PPP2R5C: variants seen among roughly 807,000 people sequenced by gnomAD.
PPP2R5C encodes the protein protein phosphatase 2 regulatory subunit B'gamma.
In PPP2R5C, 7 loss-of-function variants were observed where a neutral mutation model predicts 68.9. The observed-to-expected ratio is 0.10, with a 90% confidence interval of 0.06 to 0.19. PPP2R5C has a LOEUF of 0.19. PPP2R5C is among the 10% of genes least tolerant of loss of function. The pLI is 1.00. For synonymous variants in PPP2R5C, 210 were observed against 222.2 expected (o/e 0.95, Z 0.49); for missense variants, 348 against 641.3 (o/e 0.54, Z 4.94).
intron 2 of PPP2R5C, among the ~76,000 whole-genome samples, chr14:101,768,123 C>T (rs1043125209): frequency 2.0e-5 from 3 of 152,196 alleles, no homozygotes; most frequent in South Asian, 4.1e-4. Context: ...TGGCCCACTG[C>T]CCCCACCAAC....
chr14:101,812,297 G>A (rs1279134454), intron 1 of PPP2R5C, among the ~76,000 whole-genome samples: 1 of 152,198 alleles, frequency 6.6e-6, no homozygotes, highest in African/African-American at 2.4e-5. Context: ...CCACGAGAGG[G>A]CTAAAGCAAG....
chr14:101,916,819 T>C lies in PPP2R5C; in HGVS notation c.1327-1012T>C, dbSNP rs985293062. On this transcript the variant is annotated intron_variant, in intron 12 of 13. Transcript: ENST00000334743. The surrounding 1 kb of genome is among the most constrained non-coding windows in gnomAD (Gnocchi z 5.5). ...GCTGTGGGACTCACTGGGCAGAGAA[T>C]GGAGGGGTGTGGATGAGAGCAGCCT... Among the ~76,000 whole-genome samples the C allele has an allele frequency of 6.6e-6, 1 of 151,964 alleles. No homozygotes were observed. Among genetic ancestry groups the C allele is most frequent in the African/African-American group, 2.4e-5 (1 of 41,368 alleles).
intron 1 of PPP2R5C, among the ~76,000 whole-genome samples, chr14:101,847,312 T>C (rs2041888405): frequency 6.6e-6 from 1 of 152,216 alleles, no homozygotes; most frequent in Non-Finnish European, 1.5e-5. Context: ...TTGAGGAAAA[T>C]TGATTTTCCA....
chr14:101,813,118 C>T (rs562186966), intron 1 of PPP2R5C, among the ~76,000 whole-genome samples: 6 of 152,340 alleles, frequency 3.9e-5, no homozygotes, highest in Admixed American at 1.3e-4. Flanking sequence ...TCCTCTGCAG[C>T]AGCCCCTGGT....
At chr14:101,761,483 G>C (rs1222501182), upstream of PPP2R5C, among the ~76,000 whole-genome samples, 3 of 146,402 alleles carry the variant, frequency 2.0e-5, no homozygotes, top group Non-Finnish European at 4.6e-5. Flanking sequence ...GCGTGAACGG[G>C]TCGCGCGGAG....
At chr14:101,905,708 C>G (rs575641840) in intron 9 of PPP2R5C, among the ~76,000 whole-genome samples, 1 of 152,000 alleles carries the variant, frequency 6.6e-6, no homozygotes, top group Non-Finnish European at 1.5e-5. Flanking sequence ...AGTGGCTTCC[C>G]GTGAGTAAGC....
chr14:101,820,465 C>T (rs1302620980), intron 1 of PPP2R5C: 1 of 152,226 alleles, frequency 6.6e-6, no homozygotes, highest in Admixed American at 6.5e-5. Flanking sequence ...AAGTGTAAGA[C>T]ACACTGCCGG....
At chr14:101,816,789 C>G (rs1173160326) in intron 1 of PPP2R5C, among the ~76,000 whole-genome samples, 1 of 149,366 alleles carries the variant, frequency 6.7e-6, no homozygotes, top group African/African-American at 2.5e-5. Flanking sequence ...AGGGGATATA[C>G]AATATACAAT....
chr14:101,769,684 GT>G (rs1190537539), intron 2 of PPP2R5C, among the ~76,000 whole-genome samples: 1 of 151,882 alleles, frequency 6.6e-6, no homozygotes, highest in Non-Finnish European at 1.5e-5. Context: ...GAGTATTTTG[GT>G]TTTTTTCTTA....
chr14:101,816,363 C>G (rs551475239), intron 1 of PPP2R5C, among the ~76,000 whole-genome samples: 1 of 152,300 alleles, frequency 6.6e-6, no homozygotes, highest in Admixed American at 6.5e-5. Context: ...ATGGGGGAAA[C>G]CAGTACTCCC....
chr14:101,927,089 A>G (rs1393451951), exon 14 of PPP2R5C: 2 of 152,164 alleles, frequency 1.3e-5, no homozygotes. Context: ...GTATTTTGAT[A>G]TACCATTGTT....
chr14:101,878,130 G>A (rs746253136), intron 2 of PPP2R5C, among the ~76,000 whole-genome samples: 2 of 152,242 alleles, frequency 1.3e-5, no homozygotes, highest in Non-Finnish European at 2.9e-5. Context: ...GAAGGCGAGT[G>A]TGAGCCTTCT....
At chr14:101,907,958 G>T (rs1271385593) in intron 10 of PPP2R5C, among the ~76,000 whole-genome samples, 1 of 152,176 alleles carries the variant, frequency 6.6e-6, no homozygotes, top group East Asian at 1.9e-4. Flanking sequence ...GTCTTCTGAG[G>T]GTTGCCGCCC....
chr14:101,866,955 A>T (rs995802431), intron 2 of PPP2R5C, among the ~76,000 whole-genome samples: 4 of 152,008 alleles, frequency 2.6e-5, no homozygotes, highest in African/African-American at 9.7e-5. Flanking sequence ...GGTGGCTCAC[A>T]CCTGTAATCC....
In PPP2R5C at chr14:101,916,757, G is replaced by A. The variant is rs544154572; in HGVS notation, c.1327-1074G>A. On this transcript the variant is annotated intron_variant, in intron 12 of 13. Transcript: ENST00000334743. The surrounding 1 kb of genome is among the most constrained non-coding windows in gnomAD (Gnocchi z 5.5). ...GGGTGAAGCAGGTCAGCAGGAGGGC[G>A]CTGCTGTGACAGGAGCTCAGCCTGA... Among the ~76,000 whole-genome samples the A allele has an allele frequency of 1.3e-5, 2 of 152,190 alleles. No homozygotes were observed. The highest frequency in any genetic ancestry group is 2.4e-5 in the African/African-American group (1 of 41,522).
chr14:101,828,043 GA>G (rs2040504132), intron 1 of PPP2R5C, among the ~76,000 whole-genome samples: 1 of 152,136 alleles, frequency 6.6e-6, no homozygotes, highest in Non-Finnish European at 1.5e-5. Flanking sequence ...CCTAGTCTGT[GA>G]AATTCTAACT....
chr14:101,840,196 T>C (rs916415276), intron 1 of PPP2R5C, among the ~76,000 whole-genome samples: 2 of 152,140 alleles, frequency 1.3e-5, no homozygotes, highest in Non-Finnish European at 2.9e-5. Flanking sequence ...ATTATTCTTT[T>C]CTCTGTTCCT....
Position 101,847,084 on chromosome 14 carries a change from C to G in PPP2R5C, c.95-9602C>G, listed in dbSNP as rs116965181. Among the ~76,000 whole-genome samples, 809 of 152,284 alleles carry G rather than the reference C, an allele frequency of 5.3e-3. 3 individuals carry two copies. Among genetic ancestry groups the G allele is most frequent in the Non-Finnish European group, 9.1e-3 (617 of 68,028 alleles). On this transcript the variant is annotated intron_variant, in intron 1 of 13. Transcript: ENST00000334743. ...TATAAATATATTTCAAACGGTACCT[C>G]TCAGTTAAATTACCTGAGTTTGTTT... is the stretch of plus-strand genomic sequence containing the variant.
chr14:101,880,821 ACAG>A (rs2044121828), intron 2 of PPP2R5C, among the ~76,000 whole-genome samples: 1 of 152,128 alleles, frequency 6.6e-6, no homozygotes, highest in Non-Finnish European at 1.5e-5. Flanking sequence ...AAGGGAAGAA[ACAG>A]CAGTGGTGAC....
Sources: allele counts gnomAD v4.1 joint callset (sites outside exome capture counted in the v4.1 genomes callset), GRCh38; gene constraint gnomAD v4.1.1; non-coding constraint Gnocchi (gnomAD v3.1); transcripts MANE v1.5; gene names NCBI Gene and HGNC (gene_info 2026-07-23, HGNC 2026-07-21).